BAZ2B: variants seen among roughly 807,000 people sequenced by gnomAD.
BAZ2B encodes bromodomain adjacent to zinc finger domain protein 2B.
A neutral mutation model predicts 246.0 loss-of-function variants in BAZ2B; 91 were observed. The observed-to-expected ratio is 0.37, with a 90% CI of 0.31 to 0.44. The LOEUF is 0.44. Among genes scored for constraint, BAZ2B ranks in the 20% least tolerant of loss-of-function variants. BAZ2B has a pLI of 1.00. For synonymous variants in BAZ2B, 855 were observed against 860.0 expected, an observed-to-expected ratio of 0.99 and a Z score of 0.10; for missense variants, 2,332 against 2,533.7, an observed-to-expected ratio of 0.92 and a Z score of 1.71.
At chr2:159,391,127 A>G (rs1029056616) in intron 20 of BAZ2B, among the ~76,000 whole-genome samples, 2 of 152,144 alleles carry the variant, frequency 1.3e-5, no homozygotes, top group African/African-American at 4.8e-5. Flanking sequence ...GGGAAGATTT[A>G]AGTTTTTGGT....
At chr2:159,534,063 C>A (rs2085662387) in intron 2 of BAZ2B, among the ~76,000 whole-genome samples, 2 of 152,130 alleles carry the variant, frequency 1.3e-5, no homozygotes, top group South Asian at 4.1e-4. Context: ...ATTTTTTGCA[C>A]AATGATTCCT....
intron 31 of BAZ2B, among the ~76,000 whole-genome samples, chr2:159,340,638 A>AG (rs1221311231): frequency 6.6e-6 from 1 of 151,918 alleles, no homozygotes; most frequent in African/African-American, 2.4e-5. Context: ...AAGTAGTGAG[A>AG]GAAAAAAAAA....
Position 159,382,691 on chromosome 2 carries a change from T to C in BAZ2B, c.3873A>G (p.Arg1291=). 1 of 1,612,454 alleles carries C rather than the reference T, an allele frequency of 6.2e-7. No individual in the cohort carries two copies. The highest frequency in any genetic ancestry group is 8.5e-7 in the Non-Finnish European group (1 of 1,179,204). ...LGTPTPGRKR[R]RKGGDSDYDD... ...CATAATCACTGTCTCCTCCCTTCCT[T>C]CTTCGCTTGCGTCCTGGAGTGGGTG... Residue 1291 remains arginine (R), a synonymous_variant, in exon 25 of 37, where the codon AGA becomes AGG. Coordinates refer to ENST00000392783, the MANE Select transcript of BAZ2B (RefSeq NM_013450.4).
At chr2:159,707,762 G>C in the BAZ2B span, among the ~76,000 whole-genome samples, 5 of 152,176 alleles carry the variant, frequency 3.3e-5, no homozygotes, top group Non-Finnish European at 5.9e-5. Flanking sequence ...GGGAGGCGGA[G>C]GTTGCAGTTA....
chr2:159,471,463 G>C (rs1437320433), intron 3 of BAZ2B, among the ~76,000 whole-genome samples: 9 of 152,086 alleles, frequency 5.9e-5, no homozygotes, highest in African/African-American at 2.2e-4. Context: ...AGCTGTGCTT[G>C]CCTGTAGTCC....
At chr2:159,493,011 A>G (rs2080672055) in intron 2 of BAZ2B, among the ~76,000 whole-genome samples, 1 of 152,226 alleles carries the variant, frequency 6.6e-6, no homozygotes, top group Non-Finnish European at 1.5e-5. Context: ...CTCAAAATAC[A>G]GTAAACTAGT....
chr2:159,438,838 A>G, intron 7 of BAZ2B, 143 bp from the exon 8 acceptor site: 1 of 1,250,072 alleles, frequency 8.0e-7, no homozygotes, highest in Non-Finnish European at 1.1e-6. Context: ...AAATTCGTAA[A>G]AGAAATACCG....
intron 33 of BAZ2B, among the ~76,000 whole-genome samples, chr2:159,336,013 T>C (rs1220866594): frequency 6.6e-6 from 1 of 152,164 alleles, no homozygotes; most frequent in East Asian, 1.9e-4. Flanking sequence ...ATACAAAAAT[T>C]AGCCGGGTAT....
At chr2:159,459,067 AT>A (rs1489415372) in intron 3 of BAZ2B, 19 of 152,312 alleles carry the variant, frequency 1.2e-4, no homozygotes, top group African/African-American at 4.6e-4. Context: ...TTATAATTAT[AT>A]TCTTTACTAA....
At chr2:159,574,020 A>G (rs2151583439) in intron 1 of BAZ2B, among the ~76,000 whole-genome samples, 1 of 152,128 alleles carries the variant, frequency 6.6e-6, no homozygotes. Context: ...GGATCCCTAG[A>G]GCCTGGGAGG....
chr2:159,478,433 C>A, intron 3 of BAZ2B, 142 bp downstream of exon 3: 1 of 832,486 alleles, frequency 1.2e-6, no homozygotes, highest in Admixed American at 3.1e-5. Flanking sequence ...CCTGAAAAAG[C>A]AAAAAGACTA....
intron 13 of BAZ2B, among the ~76,000 whole-genome samples, chr2:159,423,911 A>G (rs956769500): frequency 3.9e-5 from 6 of 152,130 alleles, no homozygotes; most frequent in South Asian, 2.1e-4. Context: ...AAAACTACCA[A>G]TCGGGTACTG....
At chr2:159,368,628 CAATGA>C (rs1224416747) in intron 27 of BAZ2B, among the ~76,000 whole-genome samples, 1 of 152,132 alleles carries the variant, frequency 6.6e-6, no homozygotes, top group Non-Finnish European at 1.5e-5. Context: ...CCCTGCTCTG[CAATGA>C]CCACAAATAA....
chr2:159,510,532 T>C (rs928619753), intron 2 of BAZ2B, among the ~76,000 whole-genome samples: 3 of 152,110 alleles, frequency 2.0e-5, no homozygotes, highest in African/African-American at 7.2e-5. Flanking sequence ...ATTTTGGAAA[T>C]ACACTAATGA....
chr2:159,534,889 G>A (rs1032374137), intron 2 of BAZ2B, among the ~76,000 whole-genome samples: 1 of 152,054 alleles, frequency 6.6e-6, no homozygotes. Context: ...TTACAGGTGT[G>A]AGCCACCACA....
At chr2:159,514,557 C>T (rs1183028652) in intron 2 of BAZ2B, among the ~76,000 whole-genome samples, 1 of 152,096 alleles carries the variant, frequency 6.6e-6, no homozygotes, top group Non-Finnish European at 1.5e-5. Context: ...TGTGTAAGCA[C>T]CTTTACTATC....
At chr2:159,344,780 T>A (rs2067462683) in intron 31 of BAZ2B, among the ~76,000 whole-genome samples, 1 of 151,794 alleles carries the variant, frequency 6.6e-6, no homozygotes, top group African/African-American at 2.4e-5. Flanking sequence ...CACACAAAGT[T>A]AAACACTGCA....
chr2:159,418,211 A>T (rs1486250333), intron 13 of BAZ2B, among the ~76,000 whole-genome samples: 1 of 152,238 alleles, frequency 6.6e-6, no homozygotes, highest in Non-Finnish European at 1.5e-5. Flanking sequence ...TTATAAACAG[A>T]CTTTTAAAGA....
the BAZ2B span, among the ~76,000 whole-genome samples, chr2:159,651,520 G>A: frequency 5.9e-5 from 9 of 152,100 alleles, no homozygotes; most frequent in African/African-American, 2.2e-4. Context: ...ACATTCATGG[G>A]GTCAACTATG....
Sources: allele counts gnomAD v4.1 joint callset (sites outside exome capture counted in the v4.1 genomes callset), GRCh38; gene constraint gnomAD v4.1.1; transcripts MANE v1.5; gene names NCBI Gene and HGNC (gene_info 2026-07-23, HGNC 2026-07-21).